The following NICOL1 variants were observed in gnomAD, a reference collection of about 807,000 sequenced individuals.
NICOL1 encodes NELL2 interacting cell ontogeny regulator 1.
At chr4:2,038,293 A>G in the NICOL1 span, among the ~76,000 whole-genome samples, 1 of 129,004 alleles carries the variant, frequency 7.8e-6, no homozygotes, top group African/African-American at 2.9e-5. Context: ...ATAAAATTAA[A>G]ATTTTTTTTC....
the NICOL1 span, among the ~76,000 whole-genome samples, chr4:2,040,783 A>G: frequency 1.3e-5 from 2 of 152,104 alleles, no homozygotes; most frequent in South Asian, 2.1e-4. Flanking sequence ...GGGTCCCCGA[A>G]GCCCGGCGTC....
At chr4:2,038,929 T>A in the NICOL1 span, among the ~76,000 whole-genome samples, 20 of 152,238 alleles carry the variant, frequency 1.3e-4, no homozygotes, top group Admixed American at 1.2e-3. Context: ...TCCTCAGCTC[T>A]GTCAACGATC....
chr4:2,040,600 G>A, the NICOL1 span, among the ~76,000 whole-genome samples: 1 of 152,176 alleles, frequency 6.6e-6, no homozygotes, highest in African/African-American at 2.4e-5. Context: ...GCCTGCTCCC[G>A]GGCTCTTGGC....
chr4:2,041,980 G>T, the NICOL1 span: 1 of 1,457,044 alleles, frequency 6.9e-7, no homozygotes, highest in South Asian at 1.4e-5. Flanking sequence ...CCCGGGCGGG[G>T]TCGGGTCGGA....
At chr4:2,043,804 C>T in the NICOL1 span, 1 of 1,477,366 alleles carries the variant, frequency 6.8e-7, no homozygotes, top group South Asian at 1.3e-5. Context: ...GGTGGAGGCC[C>T]AGGGGAATGC....
chr4:2,042,036 C>A, the NICOL1 span: 7 of 1,477,604 alleles, frequency 4.7e-6, no homozygotes, highest in African/African-American at 7.4e-5. Context: ...GCCGGTGTCC[C>A]CGCGCTGCTG....
the NICOL1 span, chr4:2,042,344 TG>T: frequency 1.9e-6 from 1 of 526,880 alleles, no homozygotes. Context: ...CCGCTCCCTC[TG>T]CTGGCCATGG....
chr4:2,038,256 T>TAC, the NICOL1 span, among the ~76,000 whole-genome samples: 1 of 67,352 alleles, frequency 1.5e-5, no homozygotes, highest in African/African-American at 7.2e-5. Context: ...TATATATATA[T>TAC]ATATATATAT....
chr4:2,041,423 C>G, the NICOL1 span, among the ~76,000 whole-genome samples: 1 of 152,138 alleles, frequency 6.6e-6, no homozygotes, highest in East Asian at 1.9e-4. Context: ...AGCGGTTCTC[C>G]GGTCTCCGAG....
the NICOL1 span, chr4:2,042,629 G>A: frequency 1.7e-6 from 1 of 597,236 alleles, no homozygotes; most frequent in South Asian, 2.3e-5. Context: ...GGCTTGGGGA[G>A]TGGGGACGTG....
the NICOL1 span, chr4:2,042,022 G>T: frequency 1.6e-5 from 23 of 1,473,048 alleles, no homozygotes; most frequent in East Asian, 5.8e-5. Context: ...GACGCGGAAC[G>T]TCTGCCGGTG....
chr4:2,040,490 G>A, the NICOL1 span, among the ~76,000 whole-genome samples: 7 of 152,182 alleles, frequency 4.6e-5, no homozygotes, highest in Non-Finnish European at 7.4e-5. Context: ...CCTGCGGCCC[G>A]GCGCGTCCCC....
chr4:2,036,780 C>CG, the NICOL1 span, among the ~76,000 whole-genome samples: 1 of 151,986 alleles, frequency 6.6e-6, no homozygotes, highest in Non-Finnish European at 1.5e-5. Context: ...GATGAGAACC[C>CG]GGAAGGAGCA....
the NICOL1 span, among the ~76,000 whole-genome samples, chr4:2,038,911 A>G: frequency 6.6e-6 from 1 of 152,194 alleles, no homozygotes; most frequent in Non-Finnish European, 1.5e-5. Flanking sequence ...TTAGTTTTCA[A>G]TGAAAAATCC....
chr4:2,040,039 C>G, the NICOL1 span, among the ~76,000 whole-genome samples: 2 of 151,398 alleles, frequency 1.3e-5, no homozygotes, highest in African/African-American at 4.9e-5. Flanking sequence ...GCAAGTATGA[C>G]AGAGAGAGAG....
At chr4:2,040,947 G>C in the NICOL1 span, among the ~76,000 whole-genome samples, 1 of 151,668 alleles carries the variant, frequency 6.6e-6, no homozygotes, top group Non-Finnish European at 1.5e-5. Context: ...AGCTTGTGCC[G>C]GGAAGACCAC....
the NICOL1 span, among the ~76,000 whole-genome samples, chr4:2,039,654 G>A: frequency 6.6e-6 from 1 of 151,674 alleles, no homozygotes; most frequent in African/African-American, 2.4e-5. Context: ...GCCCAACATG[G>A]CAAACCCTGT....
At chr4:2,043,805 A>T in the NICOL1 span, 1 of 1,479,992 alleles carries the variant, frequency 6.8e-7, no homozygotes, top group Non-Finnish European at 9.2e-7. Flanking sequence ...GTGGAGGCCC[A>T]GGGGAATGCC....
At chr4:2,042,392 C>T in the NICOL1 span, 1 of 505,320 alleles carries the variant, frequency 2.0e-6, no homozygotes, top group South Asian at 2.9e-5. Context: ...ATGTCACCGC[C>T]GCCGCCGCCG....
Sources: gnomAD v4.1 joint callset for allele counts (sites outside exome capture counted in the v4.1 genomes callset) on GRCh38, gnomAD v4.1.1 for gene constraint, MANE v1.5 for transcripts, NCBI Gene and HGNC (gene_info 2026-07-23, HGNC 2026-07-21) for gene names.